C4BPA: variants seen among roughly 807,000 people sequenced by gnomAD.
The protein encoded by C4BPA is C4b-binding protein alpha chain.
Under a neutral mutation model 63.7 loss-of-function variants are expected in C4BPA, and 31 were observed. The ratio of observed to expected loss-of-function variants is 0.49; its 90% CI spans 0.37 to 0.66. The LOEUF is 0.66. Among genes scored for constraint, C4BPA ranks in the 30% least tolerant of loss-of-function variants. C4BPA has a pLI of 0.00. For synonymous variants in C4BPA, 259 were observed against 254.7 expected, an observed-to-expected ratio of 1.02 and a Z score of -0.16; for missense variants, 572 against 723.3, an observed-to-expected ratio of 0.79 and a Z score of 2.40.
At chr1:207,131,811 G>A in intron 8 of C4BPA, 71 bp downstream of exon 8, 1 of 1,029,010 alleles carries the variant, frequency 9.7e-7, no homozygotes, top group Non-Finnish European at 1.4e-6. Context: ...TACCTTAAAT[G>A]AATATAATTT....
At chr1:207,110,303 T>C (rs2102328538) in intron 1 of C4BPA, among the ~76,000 whole-genome samples, 1 of 152,158 alleles carries the variant, frequency 6.6e-6, no homozygotes, top group East Asian at 1.9e-4. Context: ...GAATGGGAGA[T>C]AGGAAAGTGC....
In C4BPA at chr1:207,137,743, G is replaced by A. The variant is rs183009027; in HGVS notation, c.1273+3151G>A. 1.9e-3 allele frequency among the ~76,000 whole-genome samples: 286 copies of A among 152,148 alleles called. 5 individuals carry two copies. Among genetic ancestry groups the A allele is most frequent in the Admixed American group, 0.016 (243 of 15,282 alleles). ...AGAGATTCTTGTGCCTCAGCCTCCC[G>A]AGTAGCTGGGATTACAGGCACATGC... On this transcript the variant is annotated intron_variant, in intron 9 of 11. Coordinates refer to ENST00000367070, the MANE Select transcript of C4BPA (RefSeq NM_000715.4).
At chr1:207,117,241 G>A (rs570287423) in intron 4 of C4BPA, among the ~76,000 whole-genome samples, 1 of 152,266 alleles carries the variant, frequency 6.6e-6, no homozygotes, top group African/African-American at 2.4e-5. Context: ...CTTGAGTCCA[G>A]GAGTTCGAGA....
At chr1:207,112,649 T>C (rs1684693483) in intron 1 of C4BPA, among the ~76,000 whole-genome samples, 1 of 152,186 alleles carries the variant, frequency 6.6e-6, no homozygotes, top group South Asian at 2.1e-4. Flanking sequence ...CTGTAAACTG[T>C]CCCTTCCCCA....
Position 207,114,124 on chromosome 1 carries a change from T to C in C4BPA, c.167T>C (p.Leu56Ser). Reference sequence around the variant, plus strand: ...GGCAATTGTGGTCCTCCACCCACTTTATCATTTGCTGCCCCGATGGATATT... The same window carrying C: ...GGCAATTGTGGTCCTCCACCCACTTCATCATTTGCTGCCCCGATGGATATT... ...VLGNCGPPPT[L>S]SFAAPMDITL... The change falls in exon 3 of 12, where the codon TTA (leucine) becomes TCA (serine). Residue 56 changes from leucine to serine, a missense_variant. This residue lies in a region of C4BPA where 107 missense variants were observed against 93.9 expected (regional missense o/e 1.14). Transcript: ENST00000367070. 6.2e-7 allele frequency: 1 copy of C among 1,613,226 alleles called. No individual in the cohort carries two copies. The highest frequency in any genetic ancestry group is 8.5e-7 in the Non-Finnish European group (1 of 1,179,490).
intron 1 of C4BPA, among the ~76,000 whole-genome samples, chr1:207,107,922 C>G (rs927955596): frequency 6.6e-6 from 1 of 152,066 alleles, no homozygotes; most frequent in Non-Finnish European, 1.5e-5. Context: ...GGAGGTGAGA[C>G]AGAGGAGGCA....
At chr1:207,128,556 G>A (rs1685095482) in intron 7 of C4BPA, among the ~76,000 whole-genome samples, 1 of 152,156 alleles carries the variant, frequency 6.6e-6, no homozygotes, top group African/African-American at 2.4e-5. Flanking sequence ...GATTGCTGGA[G>A]GCCAATGGTT....
intron 1 of C4BPA, 83 bp from the exon 2 acceptor site, chr1:207,112,918 C>A: frequency 7.8e-7 from 1 of 1,279,874 alleles, no homozygotes; most frequent in Non-Finnish European, 1.0e-6. Flanking sequence ...TCCTTGAAGA[C>A]ATGGATCCCA....
chr1:207,122,510 C>T (rs12077690), intron 4 of C4BPA, among the ~76,000 whole-genome samples: 67 of 152,054 alleles, frequency 4.4e-4, no homozygotes, highest in African/African-American at 1.5e-3. Flanking sequence ...TTTTTTGCTA[C>T]TATGTGATGT....
intron 1 of C4BPA, among the ~76,000 whole-genome samples, chr1:207,106,720 C>A: frequency 6.6e-6 from 1 of 152,156 alleles, no homozygotes; most frequent in Non-Finnish European, 1.5e-5. Context: ...GGATTACAGG[C>A]GTGAGCCACT....
intron 7 of C4BPA, among the ~76,000 whole-genome samples, chr1:207,129,646 T>A (rs1036978681): frequency 6.6e-6 from 1 of 152,124 alleles, no homozygotes; most frequent in Non-Finnish European, 1.5e-5. Flanking sequence ...TCAGAAAGAA[T>A]GGAGGCTAGA....
At chr1:207,104,876 C>T (rs1360233346) in intron 1 of C4BPA, among the ~76,000 whole-genome samples, 3 of 152,162 alleles carry the variant, frequency 2.0e-5, no homozygotes, top group African/African-American at 7.2e-5. Context: ...TTTGATTAAC[C>T]ACTCCAAATC....
At chr1:207,144,180 T>C (rs1455326903) in intron 11 of C4BPA, among the ~76,000 whole-genome samples, 187 bp downstream of exon 11, 2 of 152,180 alleles carry the variant, frequency 1.3e-5, no homozygotes, top group Non-Finnish European at 2.9e-5. Context: ...CAAGTTCTCC[T>C]GTTCTCACTT....
chr1:207,127,541 A>G (rs1685071868), intron 7 of C4BPA: 1 of 152,234 alleles, frequency 6.6e-6, no homozygotes, highest in African/African-American at 2.4e-5. Context: ...AACTGGTAAG[A>G]GAAGGAAGCC....
At chr1:207,115,898 G>A (rs1337663880) in intron 4 of C4BPA, among the ~76,000 whole-genome samples, 1 of 152,124 alleles carries the variant, frequency 6.6e-6, no homozygotes. Flanking sequence ...ATAGAATGTT[G>A]TTGTGTAGTT....
chr1:207,143,497 A>G (rs1685465530), intron 10 of C4BPA, among the ~76,000 whole-genome samples: 1 of 151,808 alleles, frequency 6.6e-6, no homozygotes, highest in South Asian at 2.1e-4. Context: ...AAAAAGAAAT[A>G]TGTTGTCATA....
At chr1:207,138,165 G>C (rs1351948037) in intron 9 of C4BPA, among the ~76,000 whole-genome samples, 1 of 152,152 alleles carries the variant, frequency 6.6e-6, no homozygotes, top group Non-Finnish European at 1.5e-5. Context: ...GGACAGTTTG[G>C]TTATACTGGA....
At chr1:207,126,631 G>C in intron 6 of C4BPA, 82 bp from the exon 7 acceptor site, 2 of 1,000,424 alleles carry the variant, frequency 2.0e-6, no homozygotes, top group East Asian at 2.4e-5. Flanking sequence ...TGTTGCACTT[G>C]TAACTGGATT....
Position 207,131,722 on chromosome 1 carries a change from C to T in C4BPA, c.1066C>T (p.Pro356Ser), listed in dbSNP as rs765048329. 1.1e-5 allele frequency: 18 copies of T among 1,611,966 alleles called. No homozygotes were observed. Among genetic ancestry groups the T allele is most frequent in the Non-Finnish European group, 1.4e-5 (17 of 1,179,212 alleles). ...VICQKNLRWT[P>S]YQGCEALCCP... ...TTGTCAGAAAAATTTGAGATGGACC[C>T]CATACCAAGGATGTGAGGGTGAGTT... Residue 356 changes from proline to serine, a missense_variant, in exon 8 of 12, where the codon CCA (proline) becomes TCA (serine). Pro to Ser is a moderately conservative substitution (Grantham distance 74, BLOSUM62 -1). This residue lies in a region of C4BPA where 465 missense variants were observed against 629.4 expected (regional missense o/e 0.74). Coordinates refer to ENST00000367070, the MANE Select transcript of C4BPA (RefSeq NM_000715.4).
Sources: allele counts gnomAD v4.1 joint callset (sites outside exome capture counted in the v4.1 genomes callset), GRCh38; gene constraint gnomAD v4.1.1; regional missense constraint gnomAD v4.1.1; transcripts MANE v1.5; gene names NCBI Gene and HGNC (gene_info 2026-07-23, HGNC 2026-07-21).